Variants in NBEA observed in about 807,000 individuals in gnomAD.
The protein encoded by NBEA is lysosomal-trafficking regulator 2.
NBEA carries 44 observed loss-of-function variants against 343.4 expected under a neutral mutation model. The observed-to-expected ratio is 0.13, with a 90% confidence interval of 0.10 to 0.16. The LOEUF (loss-of-function observed/expected upper bound fraction) is 0.16. NBEA is among the 10% of genes least tolerant of loss of function. NBEA has a pLI of 1.00. For synonymous variants in NBEA, 1,175 were observed against 1,238.7 expected (o/e 0.95, Z 1.08); for missense variants, 2,555 against 3,631.3 (o/e 0.70, Z 7.62).
chr13:35,653,632 CTT>C (rs1306918847), intron 53 of NBEA, among the ~76,000 whole-genome samples: 1 of 152,150 alleles, frequency 6.6e-6, no homozygotes, highest in East Asian at 1.9e-4. Flanking sequence ...CGCGCAGCCT[CTT>C]ATTCTTAGAT....
chr13:35,372,729 C>A (rs1248511623), intron 38 of NBEA, among the ~76,000 whole-genome samples: 1 of 151,948 alleles, frequency 6.6e-6, no homozygotes, highest in African/African-American at 2.4e-5. Flanking sequence ...GCAGTGGCAC[C>A]ATTTCTGGGG....
intron 41 of NBEA, among the ~76,000 whole-genome samples, chr13:35,541,725 GGTGTGTGTGTGTGT>G (rs3075505): frequency 4.1e-5 from 6 of 145,144 alleles, no homozygotes; most frequent in African/African-American, 1.3e-4. Flanking sequence ...GGTCTGCATG[GGTGTGTGTGTGTGT>G]GTGTGTGTGT....
intron 34 of NBEA, among the ~76,000 whole-genome samples, chr13:35,249,296 C>T (rs551306125): frequency 6.6e-5 from 10 of 151,912 alleles, no homozygotes; most frequent in Non-Finnish European, 1.3e-4. Context: ...TTCTGTGCAT[C>T]AAAAGACACA....
intron 34 of NBEA, among the ~76,000 whole-genome samples, chr13:35,269,654 C>T (rs2033974060): frequency 6.6e-6 from 1 of 152,058 alleles, no homozygotes; most frequent in Non-Finnish European, 1.5e-5. Flanking sequence ...GTAAACAGAC[C>T]ATTCGTTGGA....
intron 45 of NBEA, among the ~76,000 whole-genome samples, chr13:35,569,049 A>G (rs2080271931): frequency 6.6e-6 from 1 of 152,232 alleles, no homozygotes; most frequent in Non-Finnish European, 1.5e-5. Flanking sequence ...GACTTAGAAT[A>G]GTGCAGGGAC....
intron 41 of NBEA, among the ~76,000 whole-genome samples, chr13:35,510,179 T>A (rs2077222439): frequency 6.6e-6 from 1 of 152,118 alleles, no homozygotes; most frequent in Non-Finnish European, 1.5e-5. Context: ...GAATGGAGAA[T>A]TGAAAGAACA....
intron 33 of NBEA, among the ~76,000 whole-genome samples, chr13:35,220,539 T>C (rs1436397674): frequency 6.6e-6 from 1 of 152,180 alleles, no homozygotes; most frequent in Non-Finnish European, 1.5e-5. Context: ...TTTATTGTCT[T>C]TTGGCTTTTT....
intron 48 of NBEA, among the ~76,000 whole-genome samples, chr13:35,622,498 T>C (rs949694182): frequency 1.3e-5 from 2 of 152,168 alleles, no homozygotes; most frequent in African/African-American, 2.4e-5. Flanking sequence ...TTCTGTCTTA[T>C]ACATCCAGAA....
chr13:35,273,726 C>T (rs2034359254), intron 34 of NBEA, among the ~76,000 whole-genome samples: 1 of 152,148 alleles, frequency 6.6e-6, no homozygotes, highest in Non-Finnish European at 1.5e-5. Flanking sequence ...TCAGAGACTA[C>T]TATAAACACC....
intron 49 of NBEA, among the ~76,000 whole-genome samples, chr13:35,634,353 T>C (rs2083604724): frequency 6.6e-6 from 1 of 152,108 alleles, no homozygotes; most frequent in Non-Finnish European, 1.5e-5. Context: ...AAAAAAGTTT[T>C]ACTTTAGTGT....
intron 38 of NBEA, among the ~76,000 whole-genome samples, chr13:35,355,624 TA>T (rs1566020369): frequency 6.6e-6 from 1 of 152,122 alleles, no homozygotes; most frequent in Non-Finnish European, 1.5e-5. Flanking sequence ...AGTGACTTAT[TA>T]GGCCCTACAT....
intron 35 of NBEA, among the ~76,000 whole-genome samples, chr13:35,292,513 G>A (rs2035866026): frequency 6.6e-6 from 1 of 151,968 alleles, no homozygotes; most frequent in Admixed American, 6.6e-5. Flanking sequence ...TGTAGAATTA[G>A]TACAGTTCTG....
chr13:35,505,537 A>T (rs948411065), intron 41 of NBEA, among the ~76,000 whole-genome samples: 7 of 152,138 alleles, frequency 4.6e-5, no homozygotes, highest in Non-Finnish European at 1.0e-4. Flanking sequence ...GTAAATACGG[A>T]CTTTTTAACT....
intron 36 of NBEA, among the ~76,000 whole-genome samples, chr13:35,345,109 T>G (rs2039799528): frequency 6.6e-6 from 1 of 152,244 alleles, no homozygotes; most frequent in African/African-American, 2.4e-5. Flanking sequence ...TTTAAAAATT[T>G]CTAAAAATGT....
At chr13:35,021,395 A>G (rs1167701622) in intron 1 of NBEA, among the ~76,000 whole-genome samples, 1 of 152,160 alleles carries the variant, frequency 6.6e-6, no homozygotes, top group Non-Finnish European at 1.5e-5. Context: ...GAGTCTTGCT[A>G]TATTTCGTAC....
At chr13:35,610,092 T>C (rs1024932705) in intron 48 of NBEA, among the ~76,000 whole-genome samples, 1 of 152,218 alleles carries the variant, frequency 6.6e-6, no homozygotes, top group African/African-American at 2.4e-5. Flanking sequence ...CCCCACAGTT[T>C]TTCCTCCTTT....
intron 34 of NBEA, among the ~76,000 whole-genome samples, chr13:35,258,459 C>T (rs546357114): frequency 2.6e-4 from 40 of 151,876 alleles, no homozygotes; most frequent in African/African-American, 8.2e-4. Flanking sequence ...CCACCATGCC[C>T]GGCCATATTT....
At chr13:35,614,321 A>G (rs1273870454) in intron 48 of NBEA, among the ~76,000 whole-genome samples, 2 of 152,196 alleles carry the variant, frequency 1.3e-5, no homozygotes, top group African/African-American at 2.4e-5. Flanking sequence ...AAAAAAGTCA[A>G]GTTTATCATC....
At position 35,208,726 on chromosome 13, in the gene NBEA, C is replaced by A; in HGVS notation, c.5393C>A (p.Pro1798Gln). Residue 1798 changes from proline (P) to glutamine (Q), a missense_variant, in exon 32 of 59, where the codon CCA becomes CAA. Pro to Gln is a moderately conservative substitution (Grantham distance 76, BLOSUM62 -1). This residue lies in a region of NBEA where 270 missense variants were observed against 293.3 expected (regional missense o/e 0.92). Coordinates refer to ENST00000379939, the MANE Select transcript of NBEA (RefSeq NM_001385012.1). ...DRSVVVPVKK[P>Q]PPGSLAVTTV... ...AGTGTTGTGGTGCCTGTAAAGAAAC[C>A]ACCTCCAGGTAGTTTAGCTGTAACC... 6.2e-7 allele frequency: 1 copy of A among 1,601,034 alleles called. No homozygotes were observed. The highest frequency in any genetic ancestry group is 1.1e-5 in the South Asian group (1 of 89,192).
Sources: allele counts gnomAD v4.1 joint callset (sites outside exome capture counted in the v4.1 genomes callset), GRCh38; gene constraint gnomAD v4.1.1; regional missense constraint gnomAD v4.1.1; transcripts MANE v1.5; gene names NCBI Gene and HGNC (gene_info 2026-07-23, HGNC 2026-07-21).